CTXND1: variants seen among roughly 807,000 people sequenced by gnomAD.
CTXND1 encodes cortexin domain-containing 1 protein.
chr15:80,207,865 C>G (rs1050086043), intron 1 of CTXND1, among the ~76,000 whole-genome samples: 2 of 152,218 alleles, frequency 1.3e-5, no homozygotes, highest in African/African-American at 4.8e-5. Context: ...GGGATGTTTA[C>G]TTGAGCTGTT....
chr15:80,204,185 T>A (rs1478935291), intron 1 of CTXND1, among the ~76,000 whole-genome samples: 8 of 46,320 alleles, frequency 1.7e-4, no homozygotes, highest in Admixed American at 2.3e-4. Context: ...TATATATATA[T>A]ATATATATAT....
chr15:80,233,568 A>G (rs74545395), intron 1 of CTXND1, among the ~76,000 whole-genome samples: 11,578 of 152,128 alleles, frequency 0.076, 503 homozygotes, highest in Middle Eastern at 0.13. Context: ...GAGACATCAC[A>G]GAATGACCAA....
intron 1 of CTXND1, among the ~76,000 whole-genome samples, chr15:80,221,318 G>C (rs1893315689): frequency 6.6e-6 from 1 of 152,094 alleles, no homozygotes; most frequent in African/African-American, 2.4e-5. Context: ...ATTTCCTGTT[G>C]AATTGGCTCA....
At chr15:80,241,440 T>A (rs530758810) in intron 1 of CTXND1, among the ~76,000 whole-genome samples, 8 of 152,112 alleles carry the variant, frequency 5.3e-5, no homozygotes, top group African/African-American at 1.9e-4. Flanking sequence ...CCCTAGGAAA[T>A]CTTTCAGGAC....
rs1026906877 is a variant in CTXND1 at position 80,201,839 on chromosome 15, G to A, written c.111C>T (p.Ala37=). Residue 37 remains alanine, a synonymous_variant, in exon 3 of 3, where the codon GCC becomes GCT. Transcript: ENST00000560778. ...LFLVVMIIRC[A]KVIMDPYSAI... is the part of the protein sequence containing the mutation. ...CGCTGTAAGGGTCCATGATGACCTT[G>A]GCACAGCGGATGATCATCACGACAA... The A allele has an allele frequency of 5.0e-6, 2 of 398,874 alleles. No homozygotes were observed. Among genetic ancestry groups the A allele is most frequent in the Non-Finnish European group, 8.8e-6 (2 of 226,176 alleles). The allele number at this position is 398,874 out of a possible 1,614,324, so 24.7% of individuals were successfully genotyped here.
chr15:80,209,966 T>TA (rs1481371458), intron 1 of CTXND1, among the ~76,000 whole-genome samples: 1 of 152,260 alleles, frequency 6.6e-6, no homozygotes, highest in Non-Finnish European at 1.5e-5. Flanking sequence ...TTTGTACTTT[T>TA]AAAGCATACA....
intron 1 of CTXND1, among the ~76,000 whole-genome samples, chr15:80,238,379 T>A (rs919069083): frequency 4.6e-5 from 7 of 152,248 alleles, no homozygotes; most frequent in African/African-American, 1.7e-4. Context: ...TTATGTGTCA[T>A]GATTTCGATC....
chr15:80,239,666 A>G (rs564066952), intron 1 of CTXND1, among the ~76,000 whole-genome samples: 7 of 152,306 alleles, frequency 4.6e-5, no homozygotes, highest in Admixed American at 2.0e-4. Flanking sequence ...TTAATACTTA[A>G]TAAACTCTTT....
intron 1 of CTXND1, among the ~76,000 whole-genome samples, chr15:80,207,975 T>G (rs1187133158): frequency 6.6e-6 from 1 of 152,186 alleles, no homozygotes; most frequent in East Asian, 1.9e-4. Context: ...CAGCAACTGG[T>G]TTTTGATTCT....
chr15:80,221,187 G>A (rs1893313688), intron 1 of CTXND1, among the ~76,000 whole-genome samples: 1 of 152,108 alleles, frequency 6.6e-6, no homozygotes, highest in Non-Finnish European at 1.5e-5. Context: ...GGGATTACAG[G>A]CGTGAGCCAC....
At chr15:80,212,318 A>G (rs924494555) in intron 1 of CTXND1, among the ~76,000 whole-genome samples, 2 of 152,212 alleles carry the variant, frequency 1.3e-5, no homozygotes, top group Non-Finnish European at 1.5e-5. Flanking sequence ...AACCTGATCC[A>G]AGGTAGATGA....
intron 1 of CTXND1, among the ~76,000 whole-genome samples, chr15:80,215,930 C>A (rs1399888527): frequency 6.6e-6 from 1 of 152,202 alleles, no homozygotes; most frequent in African/African-American, 2.4e-5. Context: ...TCACTTCCCA[C>A]TTTCAAGGGT....
At chr15:80,250,027 A>C (rs1189042111) in intron 1 of CTXND1, among the ~76,000 whole-genome samples, 1 of 152,202 alleles carries the variant, frequency 6.6e-6, no homozygotes, top group Non-Finnish European at 1.5e-5. Flanking sequence ...CTATTATGGC[A>C]AGACAGGATA....
rs1466796617 is a variant in CTXND1, at chr15:80,197,263, T to C, written c.*4507A>G. ...TTTTATTTTTTGTAGATAAACAGAT[T>C]CTTGCTTATGTTGCCAGGCTGGTTT... On this transcript the variant is annotated 3_prime_UTR_variant, in exon 3 of 3. Coordinates refer to ENST00000560778, the MANE Select transcript of CTXND1 (RefSeq NM_001352888.2). 1 of 152,136 alleles carries C rather than the reference T, an allele frequency of 6.6e-6. No individual in the cohort carries two copies. Among genetic ancestry groups the C allele is most frequent in the Non-Finnish European group, 1.5e-5 (1 of 68,040 alleles). The allele number at this position is 152,136 out of a possible 1,614,324, so 9.4% of individuals were successfully genotyped here. A position where few individuals can be genotyped will look rare whatever the true frequency, so the allele number is the denominator to read the frequency against.
chr15:80,238,577 C>T (rs1169087983), intron 1 of CTXND1, among the ~76,000 whole-genome samples: 1 of 151,738 alleles, frequency 6.6e-6, no homozygotes, highest in Non-Finnish European at 1.5e-5. Context: ...CTCCACCTCC[C>T]AGGTTCACGC....
intron 1 of CTXND1, among the ~76,000 whole-genome samples, chr15:80,204,032 G>A (rs1893115874): frequency 6.7e-6 from 1 of 148,978 alleles, no homozygotes; most frequent in African/African-American, 2.5e-5. Context: ...GCGTGGTGGT[G>A]CATGCCTGTA....
intron 1 of CTXND1, among the ~76,000 whole-genome samples, chr15:80,245,227 G>A (rs777817296): frequency 2.0e-5 from 3 of 152,118 alleles, no homozygotes; most frequent in South Asian, 4.2e-4. Context: ...ACCTCTCAGC[G>A]CTGCAGGCAT....
Position 80,218,692 on chromosome 15 carries a change from A to G in CTXND1, c.-217-14952T>C, listed in dbSNP as rs530633531. On this transcript the variant is annotated intron_variant, in intron 1 of 2. Coordinates refer to ENST00000560778, the MANE Select transcript of CTXND1 (RefSeq NM_001352888.2). ...GTACAAAATCTGAGAGAGTGTCTGTATATCTACTATCCAACTTTAACCAAT... is the reference window on the plus strand; with the variant it reads ...GTACAAAATCTGAGAGAGTGTCTGTGTATCTACTATCCAACTTTAACCAAT... Among the ~76,000 whole-genome samples the G allele has an allele frequency of 7.2e-5, 11 of 152,018 alleles. No individual in the cohort carries two copies. In the South Asian group the frequency reaches 1.7e-3, roughly 23 times the overall value.
chr15:80,241,436 G>A (rs2141464113), intron 1 of CTXND1, among the ~76,000 whole-genome samples: 1 of 152,104 alleles, frequency 6.6e-6, no homozygotes, highest in Admixed American at 6.5e-5. Flanking sequence ...CGGCCCCTAG[G>A]AAATCTTTCA....
Sources: gnomAD v4.1 joint callset for allele counts (sites outside exome capture counted in the v4.1 genomes callset) on GRCh38, gnomAD v4.1.1 for gene constraint, MANE v1.5 for transcripts, NCBI Gene and HGNC (gene_info 2026-07-23, HGNC 2026-07-21) for gene names.